BRD10: variants seen among roughly 807,000 people sequenced by gnomAD.
BRD10 encodes the protein bromodomain containing 10.
chr9:5,879,722 G>A, the BRD10 span, among the ~76,000 whole-genome samples: 2 of 152,192 alleles, frequency 1.3e-5, no homozygotes, highest in African/African-American at 2.4e-5. Context: ...GAAATGCAGA[G>A]ATACAGAACC....
the BRD10 span, chr9:5,988,499 A>G: frequency 5.0e-6 from 8 of 1,613,934 alleles, no homozygotes; most frequent in South Asian, 7.7e-5. Flanking sequence ...TCCAATCCAT[A>G]ATAGCCTCTA....
At chr9:5,920,731 G>T in the BRD10 span, 3 of 1,613,884 alleles carry the variant, frequency 1.9e-6, no homozygotes, top group South Asian at 3.3e-5. Flanking sequence ...TTATTTTAGG[G>T]GATGTAGTCG....
At chr9:6,007,997 G>T in the BRD10 span, 24 of 1,273,534 alleles carry the variant, frequency 1.9e-5, 1 homozygote, top group South Asian at 3.9e-4. Flanking sequence ...CGCGAGGAGG[G>T]GGGAGAGAAG....
the BRD10 span, among the ~76,000 whole-genome samples, chr9:5,918,363 A>T: frequency 1.3e-5 from 2 of 152,232 alleles, no homozygotes; most frequent in African/African-American, 4.8e-5. Context: ...TATACAGTTC[A>T]GTAGCTCAAG....
the BRD10 span, among the ~76,000 whole-genome samples, chr9:5,974,218 C>G: frequency 2.6e-5 from 4 of 152,210 alleles, no homozygotes; most frequent in East Asian, 7.7e-4. Context: ...CCAGAAACAA[C>G]AGAACAGTAT....
At chr9:5,975,201 T>A in the BRD10 span, among the ~76,000 whole-genome samples, 8 of 151,902 alleles carry the variant, frequency 5.3e-5, no homozygotes, top group African/African-American at 1.9e-4. Context: ...TTTGGGAGGC[T>A]GAGGTGGGTG....
the BRD10 span, among the ~76,000 whole-genome samples, chr9:6,002,764 T>C: frequency 4.0e-5 from 6 of 151,382 alleles, no homozygotes; most frequent in Non-Finnish European, 5.9e-5. Context: ...GCAATCTCCA[T>C]CTTCCAGGTT....
chr9:5,902,261 A>G, the BRD10 span, among the ~76,000 whole-genome samples: 1 of 151,798 alleles, frequency 6.6e-6, no homozygotes, highest in South Asian at 2.1e-4. Context: ...GAATTGTTAC[A>G]TTCACCTAGG....
the BRD10 span, among the ~76,000 whole-genome samples, chr9:5,961,777 T>C: frequency 1.3e-5 from 2 of 152,142 alleles, no homozygotes; most frequent in African/African-American, 4.8e-5. Flanking sequence ...GAAACCCCAA[T>C]TCTGAAAAGC....
chr9:5,985,004 T>C, the BRD10 span, among the ~76,000 whole-genome samples: 2 of 151,896 alleles, frequency 1.3e-5, no homozygotes, highest in East Asian at 3.9e-4. Flanking sequence ...TGCTATTTAA[T>C]TTCAAGACTT....
chr9:5,989,235 TAA>T, the BRD10 span, among the ~76,000 whole-genome samples: 107 of 46,174 alleles, frequency 2.3e-3, 6 homozygotes, highest in African/African-American at 5.7e-3. Flanking sequence ...TCTGTCTCAT[TAA>T]AAAAAAAAAA....
chr9:6,007,575 C>T, the BRD10 span: 1 of 1,610,162 alleles, frequency 6.2e-7, no homozygotes, highest in Non-Finnish European at 8.5e-7. Context: ...GCTCCTGCTC[C>T]TTGCAGCAAC....
At chr9:5,915,876 T>C in the BRD10 span, among the ~76,000 whole-genome samples, 2 of 152,332 alleles carry the variant, frequency 1.3e-5, no homozygotes, top group Non-Finnish European at 2.9e-5. Context: ...CTTGAATTTG[T>C]TTGATAATTA....
At chr9:5,923,260 C>T in the BRD10 span, 2 of 1,613,334 alleles carry the variant, frequency 1.2e-6, no homozygotes, top group African/African-American at 2.7e-5. Flanking sequence ...CCTTTTTCAA[C>T]AGCTTGCTTC....
At chr9:5,968,564 T>A in the BRD10 span, 1 of 1,613,816 alleles carries the variant, frequency 6.2e-7, no homozygotes, top group South Asian at 1.1e-5. Flanking sequence ...GATGTCATGA[T>A]TATCCAAGAT....
chr9:5,888,162 TTTTC>T, the BRD10 span, among the ~76,000 whole-genome samples: 3 of 152,178 alleles, frequency 2.0e-5, no homozygotes, highest in African/African-American at 7.2e-5. Flanking sequence ...GTGGGGTTTT[TTTTC>T]TTTGTTTTGT....
the BRD10 span, among the ~76,000 whole-genome samples, chr9:5,981,281 G>C: frequency 6.6e-6 from 1 of 152,204 alleles, no homozygotes; most frequent in Non-Finnish European, 1.5e-5. Flanking sequence ...TCCTTCAATA[G>C]AAGTATCTTC....
the BRD10 span, chr9:5,967,944 C>T: frequency 1.1e-6 from 1 of 888,610 alleles, no homozygotes; most frequent in Non-Finnish European, 1.7e-6. Context: ...TCAATCAAAG[C>T]ATCCATGATG....
At chr9:5,945,432 T>TG in the BRD10 span, among the ~76,000 whole-genome samples, 2 of 152,088 alleles carry the variant, frequency 1.3e-5, no homozygotes, top group African/African-American at 4.8e-5. Context: ...TTATTGCTGT[T>TG]GGGGTTGCTA....
Sources: allele counts gnomAD v4.1 joint callset (sites outside exome capture counted in the v4.1 genomes callset), GRCh38; gene constraint gnomAD v4.1.1; transcripts MANE v1.5; gene names NCBI Gene and HGNC (gene_info 2026-07-23, HGNC 2026-07-21).